Variants in WBP4 observed in about 807,000 individuals in gnomAD.
WBP4 encodes the protein WW domain-binding protein 4.
In WBP4, 37 loss-of-function variants were observed where a neutral mutation model predicts 55.4. The observed-to-expected ratio is 0.67, with a 90% CI of 0.51 to 0.88. The LOEUF (loss-of-function observed/expected upper bound fraction) is 0.88, where lower values mean the gene tolerates loss of function less well. WBP4 is among the 40% of genes least tolerant of loss of function. The pLI is 0.00. For missense variants in WBP4, 398 were observed against 420.8 expected (o/e 0.95, Z 0.47); for synonymous variants, 142 against 140.2 (o/e 1.01, Z -0.09).
chr13:41,062,450 C>G (rs1231358380), intron 1 of WBP4, among the ~76,000 whole-genome samples, 194 bp from the exon 2 acceptor site: 1 of 151,892 alleles, frequency 6.6e-6, no homozygotes, highest in Non-Finnish European at 1.5e-5. Context: ...CAGATACAGA[C>G]TTTTTCTACT....
chr13:41,063,132 T>G (rs764184762), intron 2 of WBP4, among the ~76,000 whole-genome samples: 1 of 152,234 alleles, frequency 6.6e-6, no homozygotes, highest in Non-Finnish European at 1.5e-5. Flanking sequence ...GAGCTGTGTA[T>G]CTTTAGATGC....
At chr13:41,068,272 A>G (rs1259962910) in intron 4 of WBP4, among the ~76,000 whole-genome samples, 2 of 152,134 alleles carry the variant, frequency 1.3e-5, no homozygotes, top group African/African-American at 2.4e-5. Flanking sequence ...TTTTGTTTCA[A>G]TTATATGCTT....
At chr13:41,070,386 G>A (rs1282267109) in intron 5 of WBP4, among the ~76,000 whole-genome samples, 2 of 151,918 alleles carry the variant, frequency 1.3e-5, no homozygotes, top group Non-Finnish European at 2.9e-5. Context: ...CCCCAAAAAA[G>A]GTTTGAAAGT....
In WBP4 at chr13:41,062,673, A is replaced by T; in HGVS notation, c.32A>T (p.Lys11Ile). ...GACTACTGGAAGTCACAGCCAAAGA[A>T]ATTCTGTGATTACTGCAAGTGCTGG... MADYWKSQPK[K>I]FCDYCKCWIA... Residue 11 changes from lysine (K) to isoleucine (I), a missense_variant, in exon 2 of 10, where the codon AAA (lysine) becomes ATA (isoleucine). By Grantham distance (102) the Lys-to-Ile change is moderately radical. Transcript: ENST00000379487. 1 of 1,613,842 alleles carries T rather than the reference A, an allele frequency of 6.2e-7. No homozygotes were observed. The highest frequency in any genetic ancestry group is 8.5e-7 in the Non-Finnish European group (1 of 1,179,820).
intron 6 of WBP4, among the ~76,000 whole-genome samples, chr13:41,071,904 C>T (rs976700125): frequency 3.3e-5 from 5 of 151,926 alleles, no homozygotes; most frequent in Non-Finnish European, 7.4e-5. Context: ...ATTAGCCAGG[C>T]GCAGTCGCAG....
chr13:41,072,763 G>GT lies in WBP4; in HGVS notation c.487-12dup, dbSNP rs767634477. The GT allele has an allele frequency of 5.6e-6, 9 of 1,608,870 alleles. No individual in the cohort carries two copies. Among genetic ancestry groups the GT allele is most frequent in the African/African-American group, 1.3e-5 (1 of 74,698 alleles). On this transcript the variant is annotated intron_variant, in intron 6 of 9. Coordinates refer to ENST00000379487, the MANE Select transcript of WBP4 (RefSeq NM_007187.5). ...CATGGTTATCCTTAGTTTATGCTGG[G>GT]TTTTTTTCCTCCTATTAGACAGCAG...
chr13:41,075,738 T>C (rs932417277), intron 7 of WBP4, among the ~76,000 whole-genome samples: 4 of 152,224 alleles, frequency 2.6e-5, no homozygotes, highest in Admixed American at 1.3e-4. Flanking sequence ...TTGCTCATTA[T>C]CAATACGTTT....
At position 41,061,665 on chromosome 13, in the gene WBP4, G is replaced by A. The variant is rs1877643993; in HGVS notation, c.-9G>A. 1.2e-6 allele frequency: 2 copies of A among 1,614,146 alleles called. No individual in the cohort carries two copies. Among genetic ancestry groups the A allele is most frequent in the South Asian group, 2.2e-5 (2 of 91,086 alleles). ...ACCCTGGACGACTTGCAGAGCGGCT[G>A]GCGCAGTCATGTGAGTTGGGTCTCA... On this transcript the variant is annotated 5_prime_UTR_variant, in exon 1 of 10. Transcript: ENST00000379487.
rs960468981 is a variant in WBP4, at chr13:41,062,177, C to T, written c.3-467C>T. On this transcript the variant is annotated intron_variant, in intron 1 of 9. Transcript: ENST00000379487. The stretch of plus-strand genomic sequence containing the variant: ...TTTCCAGTTCTCTCTTGCCTTGAGG[C>T]TCAAGAACAGTTTGTTTTAACTGAG... 3 of 959,980 alleles carry T rather than the reference C, an allele frequency of 3.1e-6. No individual in the cohort carries two copies. In the African/African-American group the frequency reaches 5.9e-5, roughly 19 times the overall value. The allele number at this position is 959,980 out of a possible 1,614,324, so 59.5% of individuals were successfully genotyped here.
chr13:41,081,226 A>G (rs1878761312), intron 9 of WBP4, among the ~76,000 whole-genome samples: 1 of 151,408 alleles, frequency 6.6e-6, no homozygotes, highest in South Asian at 2.1e-4. Context: ...TGGCTGGGTG[A>G]GGTGGCTCAC....
rs1878461710 is a variant in WBP4 at position 41,075,982 on chromosome 13, TTGAAATTACATC to T, written c.563-57_563-46del. On this transcript the variant is annotated intron_variant, in intron 7 of 9. Coordinates refer to ENST00000379487, the MANE Select transcript of WBP4 (RefSeq NM_007187.5). ...ATAATTGTAAGTGATAAATGTTATGTTGAAATTACATCTGAATAGAATTAATAACTAAATAAC... is the reference window on the plus strand; with the variant it reads ...ATAATTGTAAGTGATAAATGTTATGTTGAATAGAATTAATAACTAAATAAC... 7 of 1,512,318 alleles carry T rather than the reference TTGAAATTACATC, an allele frequency of 4.6e-6. No homozygotes were observed. In the South Asian group the frequency reaches 8.3e-5, roughly 18 times the overall value. 93.7% of individuals were successfully genotyped at this position (1,512,318 alleles called of 1,614,324 possible).
At chr13:41,071,846 G>T (rs1878260438) in intron 6 of WBP4, among the ~76,000 whole-genome samples, 1 of 151,968 alleles carries the variant, frequency 6.6e-6, no homozygotes, top group Non-Finnish European at 1.5e-5. Flanking sequence ...TTAAAGACCA[G>T]CCTGGCCAAG....
rs868116479 is a variant in WBP4, at chr13:41,081,723, A to G, written c.920+914A>G. Among the ~76,000 whole-genome samples the G allele has an allele frequency of 1.2e-4, 18 of 152,178 alleles. No homozygotes were observed. In the East Asian group the frequency reaches 1.7e-3, roughly 15 times the overall value. On this transcript the variant is annotated intron_variant, in intron 9 of 9. Transcript: ENST00000379487. ...CAGTACCTTGGGAGGCTAAGGCAGG[A>G]GGTTCACTTGAGCCCAGGAGTTGGA... is the stretch of plus-strand genomic sequence containing the variant.
At chr13:41,072,698 G>A in intron 6 of WBP4, 84 bp from the exon 7 acceptor site, 6 of 1,210,986 alleles carry the variant, frequency 5.0e-6, no homozygotes, top group Non-Finnish European at 6.0e-6. Context: ...CAGGAGGAGA[G>A]GCAAGGGTGG....
Position 41,071,591 on chromosome 13 carries a change from A to G in WBP4, c.486+18A>G. ...TAAAAAAGGTAATTGAAGCATATTAATAGTGTTTTTGTTTTATTCTTTACA... is the reference window on the plus strand; with the variant it reads ...TAAAAAAGGTAATTGAAGCATATTAGTAGTGTTTTTGTTTTATTCTTTACA... On this transcript the variant is annotated intron_variant, in intron 6 of 9. Transcript: ENST00000379487. 1 of 1,597,850 alleles carries G rather than the reference A, an allele frequency of 6.3e-7. No individual in the cohort carries two copies. The highest frequency in any genetic ancestry group is 8.5e-7 in the Non-Finnish European group (1 of 1,172,076).
intron 8 of WBP4, 24 bp from the exon 9 acceptor site, chr13:41,080,622 T>A (rs1241262391): frequency 6.4e-7 from 1 of 1,561,318 alleles, no homozygotes; most frequent in Non-Finnish European, 8.6e-7. Flanking sequence ...TGAACTGTAT[T>A]ATTTCTTGGC....
chr13:41,079,750 G>T (rs995886484), intron 8 of WBP4, among the ~76,000 whole-genome samples: 2 of 152,084 alleles, frequency 1.3e-5, no homozygotes, highest in African/African-American at 4.8e-5. Context: ...AAACAGAAAA[G>T]ATACTTGCAC....
intron 1 of WBP4, 48 bp from the exon 2 acceptor site, chr13:41,062,596 C>A: frequency 6.4e-7 from 1 of 1,557,360 alleles, no homozygotes; most frequent in Non-Finnish European, 8.8e-7. Flanking sequence ...AGAATTTAAC[C>A]TTTTTTAAGT....
Position 41,071,566 on chromosome 13 carries a change from TA to T in WBP4, c.485del (p.Lys162ArgfsTer4), listed in dbSNP as rs1233055164. The stretch of plus-strand genomic sequence containing the variant: ...AAACCTGAAGGATTTCAAGGAGACT[TA>T]AAAAAGGTAATTGAAGCATATTAAT... ...WEKPEGFQGD[L>X]KKTAVKTVWV... On this transcript the variant is annotated frameshift_variant, in exon 6 of 10. Transcript: ENST00000379487. LOFTEE classifies it high-confidence loss of function. 1.9e-6 allele frequency: 3 copies of T among 1,609,446 alleles called. No homozygotes were observed. Among genetic ancestry groups the T allele is most frequent in the Non-Finnish European group, 2.5e-6 (3 of 1,177,690 alleles).
Sources: gnomAD v4.1 joint callset for allele counts (sites outside exome capture counted in the v4.1 genomes callset) on GRCh38, gnomAD v4.1.1 for gene constraint, MANE v1.5 for transcripts, NCBI Gene and HGNC (gene_info 2026-07-23, HGNC 2026-07-21) for gene names.